The following MYEF2 variants were observed in gnomAD, a reference collection of about 807,000 sequenced individuals.
The protein encoded by MYEF2 is myelin gene expression factor 2.
A neutral mutation model predicts 75.2 loss-of-function variants in MYEF2; 37 were observed. The observed-to-expected ratio is 0.49, with a 90% CI of 0.38 to 0.65. The LOEUF (loss-of-function observed/expected upper bound fraction) is 0.65, where lower values mean the gene tolerates loss of function less well. MYEF2 is among the 30% of genes least tolerant of loss of function. The pLI is 0.00. For missense variants in MYEF2, 634 were observed against 771.4 expected (o/e 0.82, Z 2.11); for synonymous variants, 195 against 241.6 (o/e 0.81, Z 1.79).
rs537458826 is a variant in MYEF2, at chr15:48,154,440, A to G, written c.986-547T>C. On this transcript the variant is annotated intron_variant, in intron 9 of 16. Transcript: ENST00000324324. ...CCACATCTATTGTCCATAGAAGAGG[A>G]AATTTTTGAGACCTTAGGTTGCTTG... Among the ~76,000 whole-genome samples, 24 of 152,192 alleles carry G rather than the reference A, an allele frequency of 1.6e-4. No individual in the cohort carries two copies. In the South Asian group the frequency reaches 4.6e-3, roughly 29 times the overall value.
Position 48,158,069 on chromosome 15 carries a change from A to C in MYEF2, c.922-13T>G, listed in dbSNP as rs2039772235. 12 of 1,612,804 alleles carry C rather than the reference A, an allele frequency of 7.4e-6. No homozygotes were observed. Among genetic ancestry groups the C allele is most frequent in the African/African-American group, 1.3e-5 (1 of 74,882 alleles). On this transcript the variant is annotated splice_polypyrimidine_tract_variant and intron_variant, in intron 8 of 16. Coordinates refer to ENST00000324324, the MANE Select transcript of MYEF2 (RefSeq NM_016132.5). ...CAGACTTGTCATCCTAATTGCAAGA[A>C]AGTTTATAATATGGTTAACATATTA...
In MYEF2 at chr15:48,138,772, CAT is replaced by C. The variant is rs1186425014; in HGVS notation, c.*4134_*4135del. 3.6e-6 allele frequency: 2 copies of C among 548,770 alleles called. No individual in the cohort carries two copies. The highest frequency in any genetic ancestry group is 3.8e-5 in the African/African-American group (2 of 53,094). The allele number at this position is 548,770 out of a possible 1,614,324, so 34.0% of individuals were successfully genotyped here. On this transcript the variant is annotated 3_prime_UTR_variant, in exon 17 of 17. Coordinates refer to ENST00000324324, the MANE Select transcript of MYEF2 (RefSeq NM_016132.5). ...CCAAATAAAGAAATGCGGAGTATCACATCTTACATTGTCTGCCCTAAAGTTTC... is the reference window on the plus strand; with the variant it reads ...CCAAATAAAGAAATGCGGAGTATCACCTTACATTGTCTGCCCTAAAGTTTC...
At chr15:48,151,427 A>T in intron 13 of MYEF2, 46 bp downstream of exon 13, 2 of 1,547,182 alleles carry the variant, frequency 1.3e-6, no homozygotes, top group Non-Finnish European at 1.8e-6. Context: ...AATTTCAAAA[A>T]TTATAGCCTA....
In MYEF2 at chr15:48,165,901, A is replaced by T. The variant is rs1187229167; in HGVS notation, c.525+32T>A. The T allele has an allele frequency of 5.7e-6, 8 of 1,402,558 alleles. No homozygotes were observed. The African/African-American group carries it at 1.2e-4, about 20-fold the overall frequency. 86.9% of individuals were successfully genotyped at this position (1,402,558 alleles called of 1,614,324 possible). On this transcript the variant is annotated intron_variant, in intron 5 of 16. Coordinates refer to ENST00000324324, the MANE Select transcript of MYEF2 (RefSeq NM_016132.5). ...CAAGGAAAACATGTCTTTATAGTCA[A>T]ATGTTTAAATTCTAAATATGAGAAA...
rs1240254124 is a variant in MYEF2, at chr15:48,141,608, A to AC, written c.*1299_*1300insG. ...AAACAAAAACCAAAAAAAAAAAAAA[A>AC]AGTTTACTTCCTCAGTAACATACTT... On this transcript the variant is annotated 3_prime_UTR_variant, in exon 17 of 17. Coordinates refer to ENST00000324324, the MANE Select transcript of MYEF2 (RefSeq NM_016132.5). 6.2e-6 allele frequency: 1 copy of AC among 162,292 alleles called. No individual in the cohort carries two copies. Among genetic ancestry groups the AC allele is most frequent in the African/African-American group, 2.4e-5 (1 of 41,558 alleles). The allele number at this position is 162,292 out of a possible 1,614,324, so 10.1% of individuals were successfully genotyped here. A position where few individuals can be genotyped will look rare whatever the true frequency, so the allele number is the denominator to read the frequency against.
Position 48,158,238 on chromosome 15 carries a change from C to A in MYEF2, c.872-14G>T. The A allele has an allele frequency of 6.2e-7, 1 of 1,611,420 alleles. No homozygotes were observed. The highest frequency in any genetic ancestry group is 1.1e-5 in the South Asian group (1 of 90,694). ...CATTGAACATAGCTGTTGGTTCAGTCAAGGAAAGTCAGTTAAGATAACTAT... is the reference window on the plus strand; with the variant it reads ...CATTGAACATAGCTGTTGGTTCAGTAAAGGAAAGTCAGTTAAGATAACTAT... On this transcript the variant is annotated splice_polypyrimidine_tract_variant and intron_variant, in intron 7 of 16. Coordinates refer to ENST00000324324, the MANE Select transcript of MYEF2 (RefSeq NM_016132.5).
At position 48,151,903 on chromosome 15, in the gene MYEF2, C is replaced by T. The variant is rs780856759; in HGVS notation, c.1178G>A (p.Gly393Glu). 10 of 1,613,422 alleles carry T rather than the reference C, an allele frequency of 6.2e-6. No individual in the cohort carries two copies. Among genetic ancestry groups the T allele is most frequent in the Non-Finnish European group, 5.9e-6 (7 of 1,179,612 alleles). Residue 393 changes from glycine (G) to glutamate (E), a missense_variant, in exon 12 of 17, where the codon GGA becomes GAA. Gly to Glu is a moderately conservative substitution (Grantham distance 98). Coordinates refer to ENST00000324324, the MANE Select transcript of MYEF2 (RefSeq NM_016132.5). ...CATTCGGCCAACTCCTCCAAATCCT[C>T]CCATGCTATTCATTGCTTCCAGACC... Reference protein sequence around the residue: ...FGGLEAMNSMGGFGGVGRMGE... With the variant: ...FGGLEAMNSMEGFGGVGRMGE...
At chr15:48,146,531 T>C (rs2039290509) in intron 16 of MYEF2, among the ~76,000 whole-genome samples, 1 of 151,954 alleles carries the variant, frequency 6.6e-6, no homozygotes, top group Non-Finnish European at 1.5e-5. Context: ...TAATATAACA[T>C]TTACTCAGCC....
At chr15:48,146,248 A>G (rs192163482) in intron 16 of MYEF2, among the ~76,000 whole-genome samples, 161 of 152,008 alleles carry the variant, frequency 1.1e-3, no homozygotes, top group Non-Finnish European at 2.0e-3. Context: ...AATACTAAAT[A>G]GGTTAATTTA....
Position 48,135,350 on chromosome 15 carries a change from T to C in MYEF2, c.*7558A>G, listed in dbSNP as rs2140732990. ...CTCACCTTGCCTTGGTTAGAAGTGT[T>C]CATGGCCACAAAAGACTGGAGAAGG... On this transcript the variant is annotated 3_prime_UTR_variant, in exon 17 of 17. Coordinates refer to ENST00000324324, the MANE Select transcript of MYEF2 (RefSeq NM_016132.5). The C allele has an allele frequency of 6.1e-6, 1 of 163,804 alleles. No homozygotes were observed. The highest frequency in any genetic ancestry group is 1.7e-4 in the East Asian group (1 of 5,886). The allele number at this position is 163,804 out of a possible 1,614,324, so 10.1% of individuals were successfully genotyped here.
At position 48,158,061 on chromosome 15, in the gene MYEF2, T is replaced by C; in HGVS notation, c.922-5A>G. On this transcript the variant is annotated splice_polypyrimidine_tract_variant and splice_region_variant and intron_variant, in intron 8 of 16. Coordinates refer to ENST00000324324, the MANE Select transcript of MYEF2 (RefSeq NM_016132.5). ...ATGAGGAACAGACTTGTCATCCTAATTGCAAGAAAGTTTATAATATGGTTA... is the reference window on the plus strand; with the variant it reads ...ATGAGGAACAGACTTGTCATCCTAACTGCAAGAAAGTTTATAATATGGTTA... The C allele has an allele frequency of 6.2e-7, 1 of 1,613,038 alleles. No individual in the cohort carries two copies. Among genetic ancestry groups the C allele is most frequent in the Non-Finnish European group, 8.5e-7 (1 of 1,179,344 alleles).
intron 7 of MYEF2, 88 bp from the exon 8 acceptor site, chr15:48,158,312 C>T (rs894580251): frequency 2.4e-6 from 3 of 1,239,538 alleles, no homozygotes; most frequent in Non-Finnish European, 3.5e-6. Flanking sequence ...TAGAGTCCAA[C>T]TCTCTGATAT....
intron 16 of MYEF2, among the ~76,000 whole-genome samples, chr15:48,146,192 A>C (rs2039276200): frequency 6.6e-6 from 1 of 151,962 alleles, no homozygotes; most frequent in Admixed American, 6.6e-5. Context: ...TTAAAAGACT[A>C]TGCCCATTTG....
At chr15:48,176,838 T>C (rs1009608951) in intron 1 of MYEF2, among the ~76,000 whole-genome samples, 8 of 152,182 alleles carry the variant, frequency 5.3e-5, no homozygotes, top group African/African-American at 1.9e-4. Context: ...CCACTCTTCA[T>C]CCAGGAATAA....
intron 1 of MYEF2, among the ~76,000 whole-genome samples, chr15:48,174,514 A>G (rs2040448800): frequency 6.6e-6 from 1 of 152,070 alleles, no homozygotes; most frequent in Non-Finnish European, 1.5e-5. Flanking sequence ...TAAAAAGGCA[A>G]CCTAAGAAAT....
chr15:48,142,250 G>T lies in MYEF2; in HGVS notation c.*658C>A, dbSNP rs201838593. ...TGGCTGGAAACTAGACAGAAAGTTG[G>T]GAATAGTCTGCCTATTATCATACTT... On this transcript the variant is annotated 3_prime_UTR_variant, in exon 17 of 17. Coordinates refer to ENST00000324324, the MANE Select transcript of MYEF2 (RefSeq NM_016132.5). The T allele has an allele frequency of 1.9e-5, 30 of 1,613,382 alleles. No individual in the cohort carries two copies. Among genetic ancestry groups the T allele is most frequent in the Non-Finnish European group, 2.5e-5 (29 of 1,179,674 alleles).
At chr15:48,151,221 C>T in intron 13 of MYEF2, 50 bp from the exon 14 acceptor site, 2 of 1,445,594 alleles carry the variant, frequency 1.4e-6, no homozygotes, top group African/African-American at 1.4e-5. Context: ...AATAATCATA[C>T]TTTAAAATTC....
At position 48,138,283 on chromosome 15, in the gene MYEF2, C is replaced by T. The variant is rs552015438; in HGVS notation, c.*4625G>A. 18 of 151,732 alleles carry T rather than the reference C, an allele frequency of 1.2e-4. No homozygotes were observed. The highest frequency in any genetic ancestry group is 2.4e-4 in the Non-Finnish European group (16 of 67,866). 9.4% of individuals were successfully genotyped at this position (151,732 alleles called of 1,614,324 possible). On this transcript the variant is annotated 3_prime_UTR_variant, in exon 17 of 17. Transcript: ENST00000324324. ...TACAAATTTTGAACATTTTTGAATT[C>T]GAATTTTTATCCAATATATTATCAT...
At position 48,141,679 on chromosome 15, in the gene MYEF2, T is replaced by C. The variant is rs1464427580; in HGVS notation, c.*1229A>G. 1 of 173,274 alleles carries C rather than the reference T, an allele frequency of 5.8e-6. No individual in the cohort carries two copies. The highest frequency in any genetic ancestry group is 2.4e-5 in the African/African-American group (1 of 41,976). The allele number at this position is 173,274 out of a possible 1,614,324, so 10.7% of individuals were successfully genotyped here. On this transcript the variant is annotated 3_prime_UTR_variant, in exon 17 of 17. Transcript: ENST00000324324. ...TCCAGAGGAAAAGTTTACTATTTAATAGCAGGTTAATTTCACTCAATCTAA... is the reference window on the plus strand; with the variant it reads ...TCCAGAGGAAAAGTTTACTATTTAACAGCAGGTTAATTTCACTCAATCTAA...
Sources: gnomAD v4.1 joint callset for allele counts (sites outside exome capture counted in the v4.1 genomes callset) on GRCh38, gnomAD v4.1.1 for gene constraint, MANE v1.5 for transcripts, NCBI Gene and HGNC (gene_info 2026-07-23, HGNC 2026-07-21) for gene names.